PDIA5: variants seen among roughly 807,000 people sequenced by gnomAD.
PDIA5 encodes protein disulfide isomerase family A member 5, also known as protein disulfide-isomerase A5.
Under a neutral mutation model 77.6 loss-of-function variants are expected in PDIA5, and 58 were observed. The observed-to-expected ratio is 0.75, with a 90% CI of 0.61 to 0.93. PDIA5 has a LOEUF of 0.93. PDIA5 is among the 40% of genes least tolerant of loss of function. The pLI is 0.00. For synonymous variants in PDIA5, 250 were observed against 252.1 expected (o/e 0.99, Z 0.08); for missense variants, 630 against 647.7 (o/e 0.97, Z 0.30).
intron 12 of PDIA5, 137 bp downstream of exon 12, chr3:123,145,729 G>A (rs147081755): frequency 1.5e-6 from 1 of 687,222 alleles, no homozygotes; most frequent in South Asian, 1.8e-5. Context: ...GTGTGCCCAA[G>A]TAGAACATCT....
At chr3:123,107,014 A>G (rs913103148) in intron 6 of PDIA5, among the ~76,000 whole-genome samples, 173 bp downstream of exon 6, 3 of 152,182 alleles carry the variant, frequency 2.0e-5, no homozygotes, top group South Asian at 2.1e-4. Flanking sequence ...TCCCAGCTCC[A>G]TGTTGTAACC....
At chr3:123,136,748 A>AAAT (rs1935514261) in intron 11 of PDIA5, among the ~76,000 whole-genome samples, 2 of 145,836 alleles carry the variant, frequency 1.4e-5, no homozygotes, top group African/African-American at 5.1e-5. Flanking sequence ...AAAAAAAAAA[A>AAAT]AGGGGGTTGG....
intron 8 of PDIA5, among the ~76,000 whole-genome samples, chr3:123,116,758 T>A (rs1239569120): frequency 6.6e-6 from 1 of 152,132 alleles, no homozygotes; most frequent in Non-Finnish European, 1.5e-5. Flanking sequence ...TCCCAGGCTC[T>A]GTGGTTCCTG....
At chr3:123,083,315 G>C (rs1056132067) in intron 1 of PDIA5, among the ~76,000 whole-genome samples, 1 of 152,186 alleles carries the variant, frequency 6.6e-6, no homozygotes, top group Non-Finnish European at 1.5e-5. Flanking sequence ...GGCAGGACCT[G>C]GCATTGGGGG....
intron 6 of PDIA5, 122 bp from the exon 7 acceptor site, chr3:123,110,822 C>T (rs1934842157): frequency 1.2e-6 from 1 of 840,368 alleles, no homozygotes; most frequent in Non-Finnish European, 2.1e-6. Flanking sequence ...CTGAAGTGCT[C>T]ACTCCCCCTC....
intron 5 of PDIA5, among the ~76,000 whole-genome samples, chr3:123,106,282 G>A (rs1221997741): frequency 1.3e-5 from 2 of 152,354 alleles, no homozygotes; most frequent in East Asian, 3.9e-4. Flanking sequence ...ATGATGATCT[G>A]CTTATGGGAT....
In PDIA5 at chr3:123,137,940, G is replaced by T. The variant is rs190326627; in HGVS notation, c.910+7324G>T. On this transcript the variant is annotated intron_variant, in intron 11 of 16. Coordinates refer to ENST00000316218, the MANE Select transcript of PDIA5 (RefSeq NM_006810.4). ...CATCTCTATTTTTCATTTGTCTATT[G>T]TGCCAGGTGGGAGGAAGGGATTTGA... is the stretch of plus-strand genomic sequence containing the variant. Among the ~76,000 whole-genome samples, 159 of 151,526 alleles carry T rather than the reference G, an allele frequency of 1.0e-3. 1 individual carries two copies. The highest frequency in any genetic ancestry group is 1.8e-3 in the Non-Finnish European group (121 of 67,856).
chr3:123,145,558 A>G lies in PDIA5; in HGVS notation c.947A>G (p.Glu316Gly), dbSNP rs1935746400. ...GHCKKMKPEF[E>G]KAAEALHGEA... ...TGTAAGAAAATGAAGCCGGAGTTTG[A>G]GAAGGCAGCAGAAGCCCTCCATGGA... The change falls in exon 12 of 17, where the codon GAG becomes GGG. Residue 316 changes from glutamate (E) to glycine (G), a missense_variant. Coordinates refer to ENST00000316218, the MANE Select transcript of PDIA5 (RefSeq NM_006810.4). 2 of 1,613,918 alleles carry G rather than the reference A, an allele frequency of 1.2e-6. No homozygotes were observed. The highest frequency in any genetic ancestry group is 2.7e-5 in the African/African-American group (2 of 75,046).
chr3:123,072,952 T>C (rs761429015), intron 1 of PDIA5, among the ~76,000 whole-genome samples: 1 of 104,378 alleles, frequency 9.6e-6, no homozygotes, highest in Admixed American at 1.1e-4. Flanking sequence ...GTATGTGGTG[T>C]TGTTGTTTTT....
chr3:123,088,850 G>A (rs963791825), intron 1 of PDIA5, among the ~76,000 whole-genome samples: 6 of 152,052 alleles, frequency 3.9e-5, no homozygotes, highest in Non-Finnish European at 7.4e-5. Context: ...CTGTTATCCC[G>A]TTATTTTTTA....
Position 123,088,782 on chromosome 3 carries a change from T to C in PDIA5, c.43-386T>C, listed in dbSNP as rs1268810118. On this transcript the variant is annotated intron_variant, in intron 1 of 16. Coordinates refer to ENST00000316218, the MANE Select transcript of PDIA5 (RefSeq NM_006810.4). ...AGATTTTTTATGATACCAAATACAA[T>C]ATAAATGCTAAGTAAGTAGTTGTTA... Among the ~76,000 whole-genome samples, 6 of 152,248 alleles carry C rather than the reference T, an allele frequency of 3.9e-5. No individual in the cohort carries two copies. The East Asian group carries it at 1.2e-3, about 29-fold the overall frequency.
At chr3:123,078,558 C>G (rs1420382068) in intron 1 of PDIA5, among the ~76,000 whole-genome samples, 1 of 152,142 alleles carries the variant, frequency 6.6e-6, no homozygotes, top group Non-Finnish European at 1.5e-5. Flanking sequence ...TTATCATACT[C>G]TTCCTCTACA....
At chr3:123,099,325 C>T (rs1934524264) in intron 3 of PDIA5, among the ~76,000 whole-genome samples, 1 of 152,224 alleles carries the variant, frequency 6.6e-6, no homozygotes, top group Non-Finnish European at 1.5e-5. Flanking sequence ...GTGCCAGCTG[C>T]TGTTGTACCA....
At chr3:123,135,219 A>C (rs1935470520) in intron 11 of PDIA5, among the ~76,000 whole-genome samples, 1 of 152,158 alleles carries the variant, frequency 6.6e-6, no homozygotes, top group South Asian at 2.1e-4. Flanking sequence ...GGTCTGCATT[A>C]GCAGGGGAAG....
chr3:123,070,813 C>G (rs989061560), intron 1 of PDIA5, among the ~76,000 whole-genome samples: 1 of 152,036 alleles, frequency 6.6e-6, no homozygotes, highest in Admixed American at 6.5e-5. Flanking sequence ...GGAGAAACGT[C>G]GAGCTGGAGT....
chr3:123,122,279 GA>G (rs376851087), intron 8 of PDIA5, among the ~76,000 whole-genome samples: 9 of 150,554 alleles, frequency 6.0e-5, no homozygotes, highest in Non-Finnish European at 4.4e-5. Context: ...CAATTAGGCA[GA>G]AAAAAAAAGG....
At chr3:123,088,946 A>G (rs1342698927) in intron 1 of PDIA5, among the ~76,000 whole-genome samples, 1 of 152,246 alleles carries the variant, frequency 6.6e-6, no homozygotes, top group African/African-American at 2.4e-5. Flanking sequence ...ATATATCTGC[A>G]GTCCATACAG....
intron 3 of PDIA5, among the ~76,000 whole-genome samples, chr3:123,096,130 C>T (rs1934431316): frequency 6.6e-6 from 1 of 152,094 alleles, no homozygotes; most frequent in Non-Finnish European, 1.5e-5. Context: ...TCTTTTCTCT[C>T]CCCTTATTAG....
chr3:123,068,601 G>A (rs1933642988), intron 1 of PDIA5, among the ~76,000 whole-genome samples: 1 of 152,206 alleles, frequency 6.6e-6, no homozygotes, highest in South Asian at 2.1e-4. Flanking sequence ...CTGAGTAGGA[G>A]GTCCTGCTTT....
Sources: gnomAD v4.1 joint callset for allele counts (sites outside exome capture counted in the v4.1 genomes callset) on GRCh38, gnomAD v4.1.1 for gene constraint, MANE v1.5 for transcripts, NCBI Gene and HGNC (gene_info 2026-07-23, HGNC 2026-07-21) for gene names.